PRIM2: variants seen among roughly 807,000 people sequenced by gnomAD.
PRIM2 encodes the protein DNA primase large subunit.
PRIM2 carries 39 observed loss-of-function variants against 67.3 expected under a neutral mutation model. That is an observed-to-expected ratio of 0.58 (90% CI 0.45 to 0.76). The LOEUF (loss-of-function observed/expected upper bound fraction) is 0.76. Ranked by LOEUF, PRIM2 falls within the 30% of genes least tolerant of loss-of-function variation. PRIM2 has a pLI of 0.00. For missense variants in PRIM2, 398 were observed against 598.7 expected (o/e 0.66, Z 3.50); for synonymous variants, 143 against 198.7 (o/e 0.72, Z 2.36).
upstream of PRIM2, among the ~76,000 whole-genome samples, chr6:57,312,672 G>T (rs2127263132): frequency 6.6e-6 from 1 of 152,092 alleles, no homozygotes; most frequent in South Asian, 2.1e-4. Context: ...CAGTTCAGTG[G>T]CATTAACTAC....
At chr6:57,422,702 A>G (rs1451259547) in intron 7 of PRIM2, among the ~76,000 whole-genome samples, 1 of 150,358 alleles carries the variant, frequency 6.7e-6, no homozygotes, top group Admixed American at 6.6e-5. Context: ...TTTTTGATGG[A>G]ATTCTTTTTT....
intron 8 of PRIM2, among the ~76,000 whole-genome samples, chr6:57,526,634 T>G (rs1774760083): frequency 6.6e-6 from 1 of 152,240 alleles, no homozygotes; most frequent in Admixed American, 6.5e-5. Context: ...CACTTTATTC[T>G]TTTATGAAAC....
intron 5 of PRIM2, among the ~76,000 whole-genome samples, chr6:57,349,396 T>A (rs567903742): frequency 1.3e-5 from 2 of 151,102 alleles, no homozygotes; most frequent in South Asian, 2.1e-4. Context: ...AACTACTTGA[T>A]CATGTAGTCT....
rs1406738563 is a variant in PRIM2 at position 57,617,802 on chromosome 6, TTATC to T, written c.1230+11349_1230+11352del. On this transcript the variant is annotated intron_variant, in intron 12 of 13. Coordinates refer to ENST00000615550, the MANE Select transcript of PRIM2 (RefSeq NM_000947.5). ...GTTACTTGTGCTTTTAGTGTCATAA[TTATC>T]TATAGTCAAATTCAAGGTTGTGAAT... is the stretch of plus-strand genomic sequence containing the variant. Among the ~76,000 whole-genome samples the T allele has an allele frequency of 7.9e-5, 12 of 152,340 alleles. No individual in the cohort carries two copies. In the South Asian group the frequency reaches 2.5e-3, roughly 32 times the overall value.
At chr6:57,267,402 G>T in the PRIM2 span, among the ~76,000 whole-genome samples, 1 of 152,072 alleles carries the variant, frequency 6.6e-6, no homozygotes, top group Non-Finnish European at 1.5e-5. Context: ...ACATTGAGAA[G>T]CGGGTTACTG....
the PRIM2 span, among the ~76,000 whole-genome samples, chr6:57,278,609 AAT>A: frequency 1.4e-4 from 22 of 152,244 alleles, no homozygotes; most frequent in African/African-American, 2.4e-5. Context: ...AAAACACCAA[AAT>A]ATCTGTGACA....
chr6:57,524,769 T>C (rs1554349211), intron 8 of PRIM2, among the ~76,000 whole-genome samples: 10 of 152,100 alleles, frequency 6.6e-5, no homozygotes, highest in African/African-American at 2.2e-4. Context: ...GCAGAATATA[T>C]AATTTAAGAC....
intron 7 of PRIM2, among the ~76,000 whole-genome samples, chr6:57,420,266 AG>A (rs1344527306): frequency 6.6e-6 from 1 of 152,156 alleles, no homozygotes; most frequent in Non-Finnish European, 1.5e-5. Flanking sequence ...GCACTTTGGG[AG>A]GCCAAGGCGG....
chr6:57,408,780 T>A (rs527675186), intron 7 of PRIM2, among the ~76,000 whole-genome samples: 1 of 152,056 alleles, frequency 6.6e-6, no homozygotes, highest in African/African-American at 2.4e-5. Context: ...GGTGAAATCA[T>A]AGCTCATTGC....
At chr6:57,468,095 C>G (rs1387611290) in intron 7 of PRIM2, among the ~76,000 whole-genome samples, 1 of 152,196 alleles carries the variant, frequency 6.6e-6, no homozygotes, top group Non-Finnish European at 1.5e-5. Context: ...TTGACTACCT[C>G]TCTTCCTATT....
At chr6:57,256,675 G>GCA in the PRIM2 span, among the ~76,000 whole-genome samples, 5 of 131,440 alleles carry the variant, frequency 3.8e-5, no homozygotes, top group Non-Finnish European at 8.2e-5. Flanking sequence ...TGCCATGCAG[G>GCA]CACACACACA....
At chr6:57,335,292 C>T (rs1338911415) in intron 5 of PRIM2, among the ~76,000 whole-genome samples, 1 of 151,688 alleles carries the variant, frequency 6.6e-6, no homozygotes, top group South Asian at 2.1e-4. Flanking sequence ...GGGAGGGGCG[C>T]CCGCCATTGC....
chr6:57,536,697 G>A (rs1226056831), intron 9 of PRIM2, among the ~76,000 whole-genome samples: 1 of 152,146 alleles, frequency 6.6e-6, no homozygotes, highest in African/African-American at 2.4e-5. Flanking sequence ...GAATCTTGAG[G>A]GAATTCTGCT....
chr6:57,374,354 C>T (rs149023535), intron 5 of PRIM2, among the ~76,000 whole-genome samples: 8,585 of 148,332 alleles, frequency 0.058, 354 homozygotes, highest in South Asian at 0.11. Flanking sequence ...AGTGCAGTGG[C>T]GCGATCTCGA....
intron 10 of PRIM2, among the ~76,000 whole-genome samples, chr6:57,561,558 G>T (rs1775631031): frequency 6.6e-6 from 1 of 152,130 alleles, no homozygotes; most frequent in Non-Finnish European, 1.5e-5. Flanking sequence ...TTCTTCTATA[G>T]TTCCCTCACC....
chr6:57,457,131 C>T (rs1336536958), intron 7 of PRIM2, among the ~76,000 whole-genome samples: 9 of 121,884 alleles, frequency 7.4e-5, no homozygotes, highest in African/African-American at 2.6e-4. Flanking sequence ...ATGTTCCTGC[C>T]TGATCGTTCC....
chr6:57,470,032 C>T (rs1484309968), intron 7 of PRIM2, among the ~76,000 whole-genome samples: 1 of 152,046 alleles, frequency 6.6e-6, no homozygotes, highest in African/African-American at 2.4e-5. Context: ...TTACCCTGAC[C>T]TGTTAAAGCA....
intron 7 of PRIM2, among the ~76,000 whole-genome samples, chr6:57,411,006 C>T (rs557093050): frequency 1.3e-5 from 2 of 151,974 alleles, no homozygotes; most frequent in African/African-American, 4.8e-5. Context: ...ATCCCCAAAG[C>T]TGGAGATGGG....
At chr6:57,500,578 G>T (rs1408867664) in intron 7 of PRIM2, among the ~76,000 whole-genome samples, 3 of 152,204 alleles carry the variant, frequency 2.0e-5, no homozygotes, top group Admixed American at 1.3e-4. Context: ...TAGACAAAAC[G>T]TAGGGAAGTT....
Sources: allele counts gnomAD v4.1 joint callset (sites outside exome capture counted in the v4.1 genomes callset), GRCh38; gene constraint gnomAD v4.1.1; transcripts MANE v1.5; gene names NCBI Gene and HGNC (gene_info 2026-07-23, HGNC 2026-07-21).